Variants in RPL35A observed in about 807,000 individuals in gnomAD.
RPL35A encodes ribosomal protein L35a.
RPL35A carries 1 observed loss-of-function variant against 16.7 expected under a neutral mutation model. The observed-to-expected ratio is 0.06, with a 90% CI of 0.02 to 0.28. The LOEUF is 0.28. Ranked by LOEUF, RPL35A falls within the 10% of genes least tolerant of loss-of-function variation. RPL35A has a pLI of 1.00. For missense variants in RPL35A, 91 were observed against 138.7 expected, an observed-to-expected ratio of 0.66 and a Z score of 1.73; for synonymous variants, 58 against 47.0, an observed-to-expected ratio of 1.23 and a Z score of -0.96.
rs750296895 is a variant in RPL35A at position 197,955,817 on chromosome 3, A to G, written c.*44A>G. The G allele has an allele frequency of 2.2e-5, 33 of 1,487,868 alleles. No homozygotes were observed. Among genetic ancestry groups the G allele is most frequent in the Non-Finnish European group, 2.8e-5 (30 of 1,067,404 alleles). 92.2% of individuals were successfully genotyped at this position (1,487,868 alleles called of 1,614,324 possible). A position where few individuals can be genotyped will look rare whatever the true frequency, so the allele number is the denominator to read the frequency against. ...AATAAATGTGGATTTGTGCTCTTGT[A>G]TTTTTAAGTGGATTAAAAAACTTAC... On this transcript the variant is annotated 3_prime_UTR_variant, in exon 5 of 5. Coordinates refer to ENST00000647248, the MANE Select transcript of RPL35A (RefSeq NM_000996.4).
chr3:197,954,165 C>T lies in RPL35A; in HGVS notation c.309+18C>T, dbSNP rs1261793892. The T allele has an allele frequency of 6.2e-7, 1 of 1,613,628 alleles. No homozygotes were observed. The highest frequency in any genetic ancestry group is 8.5e-7 in the Non-Finnish European group (1 of 1,179,726). On this transcript the variant is annotated intron_variant, in intron 4 of 4. Coordinates refer to ENST00000647248, the MANE Select transcript of RPL35A (RefSeq NM_000996.4). ...TCCGAGTGGTGAGTATGGTTTTTAG[C>T]AAAATGGACGTCTGATGAATCAGAC... is the stretch of plus-strand genomic sequence containing the variant.
intron 3 of RPL35A, 69 bp downstream of exon 3, chr3:197,951,380 G>A: frequency 3.3e-6 from 5 of 1,532,364 alleles, no homozygotes; most frequent in Non-Finnish European, 2.7e-6. Flanking sequence ...ATATAACGGA[G>A]TCTTGCTCTG....
chr3:197,950,367 G>A (rs1719953707), intron 1 of RPL35A, 146 bp downstream of exon 1: 19 of 1,212,356 alleles, frequency 1.6e-5, no homozygotes, highest in Middle Eastern at 3.2e-4. Flanking sequence ...ACAGGATGGA[G>A]GAGATGTTGG....
rs1720309387 is a variant in RPL35A, at chr3:197,953,739, C to G, written c.165-264C>G. 13 of 546,106 alleles carry G rather than the reference C, an allele frequency of 2.4e-5. No individual in the cohort carries two copies. The South Asian group carries it at 2.6e-4, about 11-fold the overall frequency. 33.8% of individuals were successfully genotyped at this position (546,106 alleles called of 1,614,324 possible). Reference sequence around the variant, plus strand: ...ATTTTTTCAATATTGCCTCTGTTATCATCTGACCTATGTATTTTCCTTAAA... The same window carrying G: ...ATTTTTTCAATATTGCCTCTGTTATGATCTGACCTATGTATTTTCCTTAAA... On this transcript the variant is annotated intron_variant, in intron 3 of 4. Transcript: ENST00000647248.
At position 197,951,000 on chromosome 3, in the gene RPL35A, C is replaced by G; in HGVS notation, c.11+22C>G. 4 of 1,612,394 alleles carry G rather than the reference C, an allele frequency of 2.5e-6. No individual in the cohort carries two copies. In the Admixed American group the frequency reaches 5.0e-5, roughly 20 times the overall value. Reference sequence around the variant, plus strand: ...GAAGGTACGCGTTTTAAATATAGTTCTTTATTTTTGTGTGTTAGACGTGAA... The same window carrying G: ...GAAGGTACGCGTTTTAAATATAGTTGTTTATTTTTGTGTGTTAGACGTGAA... On this transcript the variant is annotated intron_variant, in intron 2 of 4. Transcript: ENST00000647248.
In RPL35A at chr3:197,951,153, T is replaced by A; in HGVS notation, c.12-6T>A. On this transcript the variant is annotated splice_polypyrimidine_tract_variant and splice_region_variant and intron_variant, in intron 2 of 4. Coordinates refer to ENST00000647248, the MANE Select transcript of RPL35A (RefSeq NM_000996.4). ...TGTTTCATGTTGTGTATCTTTTGTG[T>A]CTTAGGCTGTGGTCCAAGGCCATTT... is the stretch of plus-strand genomic sequence containing the variant. The A allele has an allele frequency of 6.2e-7, 1 of 1,614,126 alleles. No individual in the cohort carries two copies. The highest frequency in any genetic ancestry group is 8.5e-7 in the Non-Finnish European group (1 of 1,180,032).
intron 3 of RPL35A, chr3:197,953,438 C>G: frequency 6.6e-6 from 3 of 456,740 alleles, no homozygotes; most frequent in Non-Finnish European, 8.8e-6. Flanking sequence ...TAGTTTCTCT[C>G]ATTCAGTAAA....
chr3:197,951,904 G>T (rs1262899222), intron 3 of RPL35A, among the ~76,000 whole-genome samples: 3 of 152,164 alleles, frequency 2.0e-5, no homozygotes, highest in African/African-American at 7.2e-5. Flanking sequence ...CCCCATGTTG[G>T]CCAGGCTGGA....
intron 3 of RPL35A, 44 bp from the exon 4 acceptor site, chr3:197,953,959 A>T: frequency 6.2e-7 from 1 of 1,609,032 alleles, no homozygotes; most frequent in Non-Finnish European, 8.5e-7. Context: ...TTTGTATCCA[A>T]CTATATCAGC....
intron 2 of RPL35A, 62 bp from the exon 3 acceptor site, chr3:197,951,097 A>G: frequency 6.2e-7 from 1 of 1,611,312 alleles, no homozygotes; most frequent in Admixed American, 1.7e-5. Context: ...GGTGGGGGTG[A>G]TTACAAGTCA....
intron 3 of RPL35A, 159 bp downstream of exon 3, chr3:197,951,470 A>G: frequency 4.0e-6 from 3 of 749,536 alleles, no homozygotes; most frequent in South Asian, 1.5e-5. Flanking sequence ...GTCCTGTCTC[A>G]GCCTCCCGAG....
intron 4 of RPL35A, 74 bp downstream of exon 4, chr3:197,954,221 AGGACTTCTGT>A: frequency 6.6e-7 from 1 of 1,521,830 alleles, no homozygotes; most frequent in African/African-American, 1.4e-5. Context: ...TTGACTTCTG[AGGACTTCTGT>A]GGTTGTGAAA....
At position 197,955,940 on chromosome 3, in the gene RPL35A, G is replaced by T; in HGVS notation, c.*167G>T. ...GAGAGACATGTGATGAAAATTACAG[G>T]GCGAGTACAGAGATTTAGAAGGGAA... On this transcript the variant is annotated 3_prime_UTR_variant, in exon 5 of 5. Coordinates refer to ENST00000647248, the MANE Select transcript of RPL35A (RefSeq NM_000996.4). 1 of 648,642 alleles carries T rather than the reference G, an allele frequency of 1.5e-6. No individual in the cohort carries two copies. Among genetic ancestry groups the T allele is most frequent in the Non-Finnish European group, 2.8e-6 (1 of 360,168 alleles). The allele number at this position is 648,642 out of a possible 1,614,324, so 40.2% of individuals were successfully genotyped here. A position where few individuals can be genotyped will look rare whatever the true frequency, so the allele number is the denominator to read the frequency against.
rs79291783 is a variant in RPL35A, at chr3:197,956,033, C to T, written c.*260C>T. ...GCCCATGCTGGAGTGTAGTGGTGCT[C>T]GCTGCAGCCTCACATTCAAAGGCTC... On this transcript the variant is annotated 3_prime_UTR_variant, in exon 5 of 5. Coordinates refer to ENST00000647248, the MANE Select transcript of RPL35A (RefSeq NM_000996.4). 6.0e-3 allele frequency: 2,789 copies of T among 465,066 alleles called. 66 individuals carry two copies. Among genetic ancestry groups the T allele is most frequent in the African/African-American group, 0.049 (2,487 of 50,642 alleles). 28.8% of individuals were successfully genotyped at this position (465,066 alleles called of 1,614,324 possible).
chr3:197,953,252 T>C (rs77509924), intron 3 of RPL35A, among the ~76,000 whole-genome samples: 10,086 of 152,220 alleles, frequency 0.066, 430 homozygotes, highest in African/African-American at 0.11. Context: ...TGGCTCACAC[T>C]TGTAGCCCCA....
intron 4 of RPL35A, chr3:197,954,441 C>T (rs1187700049): frequency 6.8e-6 from 3 of 439,636 alleles, no homozygotes; most frequent in African/African-American, 4.0e-5. Context: ...TCAAGCAATC[C>T]TTCCACCTCA....
At chr3:197,950,841 C>G (rs1581096623) in intron 1 of RPL35A, 95 bp from the exon 2 acceptor site, 4 of 1,134,496 alleles carry the variant, frequency 3.5e-6, no homozygotes, top group East Asian at 4.7e-5. Flanking sequence ...AAACTCCCAT[C>G]CAAAAGGAAT....
intron 3 of RPL35A, chr3:197,953,523 C>T (rs1211886009): frequency 2.2e-6 from 1 of 457,056 alleles, no homozygotes; most frequent in African/African-American, 2.0e-5. Context: ...AGTCTTTCTT[C>T]CGGCCAGGAC....
chr3:197,951,066 G>A, intron 2 of RPL35A, 88 bp downstream of exon 2: 2 of 1,602,168 alleles, frequency 1.2e-6, no homozygotes, highest in Non-Finnish European at 1.7e-6. Flanking sequence ...AAACTTAGAT[G>A]TTTGCTCTGA....
Sources: gnomAD v4.1 joint callset for allele counts (sites outside exome capture counted in the v4.1 genomes callset) on GRCh38, gnomAD v4.1.1 for gene constraint, MANE v1.5 for transcripts, NCBI Gene and HGNC (gene_info 2026-07-23, HGNC 2026-07-21) for gene names.